The following PRIM2 variants were observed in gnomAD, a reference collection of about 807,000 sequenced individuals.
PRIM2 encodes DNA primase large subunit.
In PRIM2, 39 loss-of-function variants were observed where a neutral mutation model predicts 67.3. The ratio of observed to expected loss-of-function variants is 0.58; its 90% CI spans 0.45 to 0.76. The LOEUF (loss-of-function observed/expected upper bound fraction) is 0.76, where lower values mean the gene tolerates loss of function less well. Ranked by LOEUF, PRIM2 falls within the 30% of genes least tolerant of loss-of-function variation. The probability of loss-of-function intolerance (pLI) is 0.00; values close to 1 mark genes in which losing one functional copy is unlikely to be tolerated. For missense variants in PRIM2, 398 were observed against 598.7 expected, an observed-to-expected ratio of 0.66 and a Z score of 3.50; for synonymous variants, 143 against 198.7, an observed-to-expected ratio of 0.72 and a Z score of 2.36.
chr6:57,519,411 G>A (rs1184649957), intron 8 of PRIM2, among the ~76,000 whole-genome samples: 53 of 152,330 alleles, frequency 3.5e-4, no homozygotes, highest in African/African-American at 1.1e-3. Flanking sequence ...CAGGGGGGCC[G>A]TTCATAGGCC....
At chr6:57,258,196 C>T in the PRIM2 span, among the ~76,000 whole-genome samples, 16,221 of 151,996 alleles carry the variant, frequency 0.11, 1,460 homozygotes, top group African/African-American at 0.23. Context: ...TCGGGAGTGG[C>T]GTGCTACCGT....
At chr6:57,361,017 G>T (rs1769180735) in intron 5 of PRIM2, among the ~76,000 whole-genome samples, 1 of 152,106 alleles carries the variant, frequency 6.6e-6, no homozygotes, top group African/African-American at 2.4e-5. Flanking sequence ...GGCTTTGGAA[G>T]GAGCGGGTAT....
chr6:57,266,892 G>A, the PRIM2 span, among the ~76,000 whole-genome samples: 2 of 152,132 alleles, frequency 1.3e-5, no homozygotes, highest in East Asian at 1.9e-4. Context: ...GTTAAAAAAA[G>A]TTAAAAATAA....
chr6:57,303,098 C>T, the PRIM2 span, among the ~76,000 whole-genome samples: 12 of 151,956 alleles, frequency 7.9e-5, no homozygotes, highest in African/African-American at 1.2e-4. Context: ...AATATGTCCA[C>T]GTAAAAGCTA....
chr6:57,495,681 A>G (rs1773989178), intron 7 of PRIM2, among the ~76,000 whole-genome samples: 1 of 152,200 alleles, frequency 6.6e-6, no homozygotes, highest in Admixed American at 6.5e-5. Context: ...GATTACTGTT[A>G]CTGAGGCATT....
At chr6:57,367,136 G>A (rs538191239) in intron 5 of PRIM2, among the ~76,000 whole-genome samples, 35 of 152,166 alleles carry the variant, frequency 2.3e-4, no homozygotes, top group African/African-American at 7.7e-4. Flanking sequence ...TAATTAGAAT[G>A]TCAGGATATT....
At chr6:57,240,331 C>T in the PRIM2 span, among the ~76,000 whole-genome samples, 1 of 152,076 alleles carries the variant, frequency 6.6e-6, no homozygotes, top group Admixed American at 6.6e-5. Flanking sequence ...AAACTCCTGA[C>T]CTCAGGTGAT....
At chr6:57,299,139 T>G in the PRIM2 span, among the ~76,000 whole-genome samples, 1 of 152,062 alleles carries the variant, frequency 6.6e-6, no homozygotes, top group South Asian at 2.1e-4. Flanking sequence ...AGTAAGATAA[T>G]GCACATGCCC....
chr6:57,505,430 A>G (rs1468997264), intron 7 of PRIM2: 2 of 152,150 alleles, frequency 1.3e-5, no homozygotes, highest in Non-Finnish European at 2.9e-5. Flanking sequence ...ATGTGCTGTC[A>G]TTGTGTTTTG....
At chr6:57,592,520 C>T (rs1161760153) in intron 10 of PRIM2, among the ~76,000 whole-genome samples, 5 of 152,134 alleles carry the variant, frequency 3.3e-5, no homozygotes, top group Admixed American at 6.5e-5. Context: ...GTAGGCCAGG[C>T]GTGATGGCTC....
chr6:57,365,105 G>T (rs73748683), intron 5 of PRIM2, among the ~76,000 whole-genome samples: 3 of 151,000 alleles, frequency 2.0e-5, no homozygotes, highest in South Asian at 4.2e-4. Flanking sequence ...GAATTATAAA[G>T]ATTTTTTAAA....
At chr6:57,276,513 A>C in the PRIM2 span, among the ~76,000 whole-genome samples, 1 of 152,128 alleles carries the variant, frequency 6.6e-6, no homozygotes, top group Non-Finnish European at 1.5e-5. Context: ...GTAAAAAAGA[A>C]AAGGTAGTGG....
At chr6:57,580,143 GGCTCAAAGGC>G (rs1776054842) in intron 10 of PRIM2, among the ~76,000 whole-genome samples, 1 of 152,046 alleles carries the variant, frequency 6.6e-6, no homozygotes, top group Non-Finnish European at 1.5e-5. Flanking sequence ...ATCTCAATGA[GGCTCAAAGGC>G]CTCATGCCTT....
At chr6:57,483,322 A>ACAG (rs1304762263) in intron 7 of PRIM2, among the ~76,000 whole-genome samples, 1 of 152,188 alleles carries the variant, frequency 6.6e-6, no homozygotes, top group Non-Finnish European at 1.5e-5. Flanking sequence ...AAATGTTCAA[A>ACAG]CAGCAGCAGC....
At chr6:57,485,933 G>A (rs1267361355) in intron 7 of PRIM2, among the ~76,000 whole-genome samples, 2 of 152,222 alleles carry the variant, frequency 1.3e-5, no homozygotes, top group Non-Finnish European at 2.9e-5. Context: ...CAGCATAGGA[G>A]TGTGTGTTGC....
intron 7 of PRIM2, among the ~76,000 whole-genome samples, chr6:57,480,141 A>T (rs1467348602): frequency 3.9e-5 from 6 of 152,338 alleles, no homozygotes; most frequent in African/African-American, 7.2e-5. Context: ...TATGGCAAAG[A>T]TTCACTTGGA....
At chr6:57,547,053 G>T (rs1396203648) in intron 10 of PRIM2, among the ~76,000 whole-genome samples, 3 of 151,930 alleles carry the variant, frequency 2.0e-5, no homozygotes, top group Admixed American at 1.3e-4. Flanking sequence ...AGTTTTGAAC[G>T]TCTTATTCCT....
chr6:57,599,362 A>T (rs1488821238), intron 10 of PRIM2, among the ~76,000 whole-genome samples: 13 of 151,160 alleles, frequency 8.6e-5, no homozygotes, highest in Non-Finnish European at 7.4e-5. Flanking sequence ...AAATAACAAG[A>T]TATTTAAAAA....
the PRIM2 span, among the ~76,000 whole-genome samples, chr6:57,261,835 G>A: frequency 1.3e-5 from 2 of 152,300 alleles, no homozygotes; most frequent in South Asian, 4.1e-4. Flanking sequence ...GTCTTCCGTG[G>A]CTCCAGGTCT....
Sources: gnomAD v4.1 joint callset for allele counts (sites outside exome capture counted in the v4.1 genomes callset) on GRCh38, gnomAD v4.1.1 for gene constraint, MANE v1.5 for transcripts, NCBI Gene and HGNC (gene_info 2026-07-23, HGNC 2026-07-21) for gene names.